TSHR: variants seen among roughly 807,000 people sequenced by gnomAD.
TSHR encodes the protein thyroid stimulating hormone receptor.
Under a neutral mutation model 64.1 loss-of-function variants are expected in TSHR, and 51 were observed. That is an observed-to-expected ratio of 0.80 (90% CI 0.64 to 1.01). TSHR has a LOEUF of 1.01. Ranked by LOEUF, TSHR falls within the 50% of genes least tolerant of loss-of-function variation. The pLI, the probability that TSHR is intolerant of heterozygous loss-of-function variation, is 0.00. For missense variants in TSHR, 877 were observed against 942.8 expected, an observed-to-expected ratio of 0.93 and a Z score of 0.91; for synonymous variants, 361 against 361.9, an observed-to-expected ratio of 1.00 and a Z score of 0.03.
intron 1 of TSHR, among the ~76,000 whole-genome samples, chr14:80,965,564 C>T (rs1293892910): frequency 6.6e-6 from 1 of 152,100 alleles, no homozygotes; most frequent in Non-Finnish European, 1.5e-5. Context: ...TTCATACTGA[C>T]TCTGTTTCCA....
At chr14:80,990,024 C>A (rs764909935) in intron 1 of TSHR, among the ~76,000 whole-genome samples, 4 of 152,170 alleles carry the variant, frequency 2.6e-5, no homozygotes, top group Non-Finnish European at 4.4e-5. Context: ...GCTTTAATTC[C>A]TTATAATATC....
chr14:81,001,505 C>T, intron 1 of TSHR: 1 of 518,868 alleles, frequency 1.9e-6, no homozygotes, highest in Non-Finnish European at 3.8e-6. Context: ...CGGCATTTCT[C>T]TCAGCATTTA....
At chr14:80,981,223 G>C (rs1354757522) in intron 1 of TSHR, among the ~76,000 whole-genome samples, 1 of 152,130 alleles carries the variant, frequency 6.6e-6, no homozygotes, top group Non-Finnish European at 1.5e-5. Context: ...TATATTTTAT[G>C]ATACTATCTC....
intron 8 of TSHR, among the ~76,000 whole-genome samples, chr14:81,130,466 T>C (rs1284679484): frequency 6.6e-6 from 1 of 152,238 alleles, no homozygotes; most frequent in Non-Finnish European, 1.5e-5. Flanking sequence ...CTCTTGGTTT[T>C]TCTCCATACC....
intron 8 of TSHR, among the ~76,000 whole-genome samples, chr14:81,123,346 G>T (rs1214236265): frequency 6.6e-6 from 1 of 152,088 alleles, no homozygotes; most frequent in South Asian, 2.1e-4. Context: ...TTTAATTCTT[G>T]TCTTGATCTT....
chr14:81,016,521 C>A lies in TSHR; in HGVS notation c.171-45627C>A, dbSNP rs530252869. On this transcript the variant is annotated intron_variant, in intron 1 of 9. Transcript: ENST00000298171. Reference sequence around the variant, plus strand: ...GTTTCTTATATATACTGGATATTAGCCCCTCACCAGATATATAGTTCACAA... The same window carrying A: ...GTTTCTTATATATACTGGATATTAGACCCTCACCAGATATATAGTTCACAA... Among the ~76,000 whole-genome samples the A allele has an allele frequency of 1.5e-4, 23 of 152,196 alleles. No individual in the cohort carries two copies. In the South Asian group the frequency reaches 4.8e-3, roughly 32 times the overall value.
At chr14:81,080,915 G>A (rs1248980627) in intron 3 of TSHR, among the ~76,000 whole-genome samples, 3 of 152,072 alleles carry the variant, frequency 2.0e-5, no homozygotes, top group South Asian at 2.1e-4. Flanking sequence ...AAATAGAGTA[G>A]TGAAAAAAAG....
intron 1 of TSHR, chr14:80,991,840 A>C (rs1044821350): frequency 8.4e-6 from 3 of 357,306 alleles, no homozygotes; most frequent in African/African-American, 6.3e-5. Flanking sequence ...TCTTGATGCT[A>C]AAGTGATTCG....
intron 1 of TSHR, among the ~76,000 whole-genome samples, chr14:80,971,497 T>C (rs565143249): frequency 5.1e-4 from 77 of 152,374 alleles, no homozygotes; most frequent in Non-Finnish European, 2.1e-4. Context: ...CTACAGGCTG[T>C]GCTGATGTGT....
At chr14:81,087,312 TACTTATTTC>T (rs540416701) in intron 3 of TSHR, among the ~76,000 whole-genome samples, 92 of 152,394 alleles carry the variant, frequency 6.0e-4, no homozygotes, top group African/African-American at 2.1e-3. Flanking sequence ...TTCTAGCAGT[TACTTATTTC>T]TCTAATGCTA....
intron 1 of TSHR, among the ~76,000 whole-genome samples, chr14:80,977,198 AG>A (rs1050979023): frequency 3.4e-4 from 52 of 152,240 alleles, no homozygotes; most frequent in African/African-American, 1.1e-3. Flanking sequence ...TCCTCCAGCT[AG>A]TAGTGCTGCC....
intron 6 of TSHR, among the ~76,000 whole-genome samples, chr14:81,092,912 T>C (rs915571058): frequency 6.6e-6 from 1 of 152,166 alleles, no homozygotes; most frequent in African/African-American, 2.4e-5. Context: ...TCTGGCATTG[T>C]GTGGCAAAAA....
intron 1 of TSHR, among the ~76,000 whole-genome samples, chr14:80,967,190 A>G (rs201218655): frequency 1.6e-4 from 5 of 30,350 alleles, no homozygotes; most frequent in Middle Eastern, 0.029. Context: ...GTATGTGTAT[A>G]TATATATATA....
intron 1 of TSHR, among the ~76,000 whole-genome samples, chr14:81,002,393 C>T (rs532191625): frequency 2.0e-5 from 3 of 152,202 alleles, no homozygotes; most frequent in Middle Eastern, 3.4e-3. Flanking sequence ...TTACTTAACC[C>T]GTCTGTGCTT....
At chr14:80,993,934 G>A (rs1594929305) in intron 1 of TSHR, 1 of 152,150 alleles carries the variant, frequency 6.6e-6, no homozygotes, top group Non-Finnish European at 1.5e-5. Flanking sequence ...CCACTTATAT[G>A]AGGATTTTTT....
chr14:81,124,642 G>A (rs1239431865), intron 8 of TSHR, among the ~76,000 whole-genome samples: 2 of 152,040 alleles, frequency 1.3e-5, no homozygotes, highest in East Asian at 1.9e-4. Flanking sequence ...TTCCAAAAGG[G>A]TTGTCTCATT....
At chr14:81,024,807 C>G (rs1369986119) in intron 1 of TSHR, among the ~76,000 whole-genome samples, 1 of 152,138 alleles carries the variant, frequency 6.6e-6, no homozygotes, top group Non-Finnish European at 1.5e-5. Context: ...TGATTTTTCT[C>G]TGCTTCTTGG....
chr14:81,027,496 A>C (rs984632022), intron 1 of TSHR, among the ~76,000 whole-genome samples: 3 of 152,202 alleles, frequency 2.0e-5, no homozygotes, highest in Non-Finnish European at 4.4e-5. Context: ...TTATCTGAAA[A>C]GCAAAAGAAT....
chr14:81,068,381 G>A (rs2139910908), intron 3 of TSHR, 53 bp downstream of exon 3: 1 of 1,558,916 alleles, frequency 6.4e-7, no homozygotes, highest in Non-Finnish European at 8.8e-7. Flanking sequence ...ACTCTTGACT[G>A]ATAATCTTGG....
Sources: gnomAD v4.1 joint callset for allele counts (sites outside exome capture counted in the v4.1 genomes callset) on GRCh38, gnomAD v4.1.1 for gene constraint, MANE v1.5 for transcripts, NCBI Gene and HGNC (gene_info 2026-07-23, HGNC 2026-07-21) for gene names.